MTUS1: variants seen among roughly 807,000 people sequenced by gnomAD.
MTUS1 encodes the protein microtubule-associated tumor suppressor 1.
In MTUS1, 109 loss-of-function variants were observed where a neutral mutation model predicts 120.8. That is an observed-to-expected ratio of 0.90 (90% CI 0.77 to 1.06). MTUS1 has a LOEUF of 1.06. MTUS1 is among the 50% of genes least tolerant of loss of function. The pLI, the probability that MTUS1 is intolerant of heterozygous loss-of-function variation, is 0.00. For synonymous variants in MTUS1, 737 were observed against 550.5 expected (o/e 1.34, Z -4.74); for missense variants, 2,210 against 1,486.3 (o/e 1.49, Z -8.01).
intron 6 of MTUS1, among the ~76,000 whole-genome samples, chr8:17,701,694 C>T (rs1052810653): frequency 3.2e-4 from 48 of 152,088 alleles, no homozygotes; most frequent in African/African-American, 1.1e-3. Flanking sequence ...ACTACAGGCG[C>T]CCGCCACCAC....
chr8:17,729,947 G>A (rs548688880), intron 3 of MTUS1, among the ~76,000 whole-genome samples: 6 of 147,778 alleles, frequency 4.1e-5, no homozygotes, highest in South Asian at 2.1e-4. Flanking sequence ...TCACAATCGC[G>A]CGAGATACCA....
chr8:17,756,428 T>C (rs191074143), intron 1 of MTUS1, among the ~76,000 whole-genome samples: 36 of 152,058 alleles, frequency 2.4e-4, no homozygotes, highest in African/African-American at 8.0e-4. Flanking sequence ...CCATGCAGAG[T>C]GATTATTAGA....
At chr8:17,774,408 G>C (rs929886141) in intron 1 of MTUS1, among the ~76,000 whole-genome samples, 2 of 152,174 alleles carry the variant, frequency 1.3e-5, no homozygotes, top group Non-Finnish European at 2.9e-5. Context: ...ATAAGGACTG[G>C]GGAAGAAAAT....
chr8:17,766,450 C>T (rs1295339466), intron 1 of MTUS1, among the ~76,000 whole-genome samples: 3 of 152,222 alleles, frequency 2.0e-5, no homozygotes, highest in African/African-American at 7.2e-5. Flanking sequence ...AGGCAAACCT[C>T]TCTCAGCACT....
At chr8:17,725,725 CGCTAACCCAATACA>C (rs2046188251) in intron 3 of MTUS1, among the ~76,000 whole-genome samples, 1 of 152,144 alleles carries the variant, frequency 6.6e-6, no homozygotes, top group Non-Finnish European at 1.5e-5. Flanking sequence ...CAGCTTTGAA[CGCTAACCCAATACA>C]AATTCATAAA....
intron 1 of MTUS1, among the ~76,000 whole-genome samples, chr8:17,759,002 C>T (rs1218867871): frequency 6.6e-6 from 1 of 152,148 alleles, no homozygotes; most frequent in Non-Finnish European, 1.5e-5. Context: ...CTGCCTCAGC[C>T]TCCCGAGTAG....
chr8:17,788,418 A>G (rs1246872212), intron 1 of MTUS1, among the ~76,000 whole-genome samples: 1 of 152,118 alleles, frequency 6.6e-6, no homozygotes, highest in Non-Finnish European at 1.5e-5. Context: ...AAACCCTTAA[A>G]TGTTGACGAT....
At chr8:17,692,150 C>T (rs1321767154) in intron 6 of MTUS1, 1 of 152,166 alleles carries the variant, frequency 6.6e-6, no homozygotes, top group Admixed American at 6.6e-5. Flanking sequence ...ACCTGTTCTG[C>T]CTTCTCTGTG....
At chr8:17,744,302 T>C (rs969152549) in intron 2 of MTUS1, among the ~76,000 whole-genome samples, 3 of 152,206 alleles carry the variant, frequency 2.0e-5, no homozygotes, top group African/African-American at 7.2e-5. Context: ...TGCCATCTAT[T>C]ACCTCTAAAG....
chr8:17,752,407 T>C (rs991958706), intron 2 of MTUS1, among the ~76,000 whole-genome samples: 3 of 152,212 alleles, frequency 2.0e-5, no homozygotes, highest in Non-Finnish European at 2.9e-5. Flanking sequence ...ATAAATGATA[T>C]CGGTTTTCTA....
intron 1 of MTUS1, among the ~76,000 whole-genome samples, chr8:17,774,971 T>TAA (rs76567642): frequency 0.47 from 45,089 of 96,624 alleles, 10,874 homozygotes; most frequent in Non-Finnish European, 0.58. Flanking sequence ...ATATTATAAG[T>TAA]AAAAAAAAAA....
At chr8:17,764,584 G>A (rs543613596) in intron 1 of MTUS1, among the ~76,000 whole-genome samples, 8 of 152,200 alleles carry the variant, frequency 5.3e-5, no homozygotes, top group South Asian at 2.1e-4. Context: ...TAGTCCAAGG[G>A]CTGGCAAGCC....
Position 17,751,934 on chromosome 8 carries a change from T to C in MTUS1, c.2091+1783A>G, listed in dbSNP as rs79711192. Among the ~76,000 whole-genome samples, 5 of 148,468 alleles carry C rather than the reference T, an allele frequency of 3.4e-5. No individual in the cohort carries two copies. The South Asian group carries it at 8.7e-4, about 26-fold the overall frequency. ...TCCCTTATGCCAGTTGATAAGCATATGCGAATATGGGACAATCTTTCAAGA... is the reference window on the plus strand; with the variant it reads ...TCCCTTATGCCAGTTGATAAGCATACGCGAATATGGGACAATCTTTCAAGA... On this transcript the variant is annotated intron_variant, in intron 2 of 14. Transcript: ENST00000693296.
chr8:17,679,196 A>G (rs569658838), intron 7 of MTUS1, among the ~76,000 whole-genome samples: 142 of 60,494 alleles, frequency 2.3e-3, no homozygotes, highest in African/African-American at 5.9e-3. Flanking sequence ...CAAAAAATAT[A>G]TATACACACA....
intron 1 of MTUS1, among the ~76,000 whole-genome samples, chr8:17,766,286 CAT>C (rs760033046): frequency 2.6e-5 from 4 of 152,186 alleles, no homozygotes; most frequent in Non-Finnish European, 4.4e-5. Flanking sequence ...CAGACCATCA[CAT>C]GTGAGTACAC....
intron 3 of MTUS1, chr8:17,724,127 A>G (rs1463971920): frequency 2.5e-5 from 13 of 519,436 alleles, no homozygotes; most frequent in East Asian, 9.3e-5. Context: ...GAGATGATCA[A>G]TCAGAATAAT....
At chr8:17,661,482 G>A (rs748182190) in intron 8 of MTUS1, among the ~76,000 whole-genome samples, 2 of 152,168 alleles carry the variant, frequency 1.3e-5, no homozygotes, top group East Asian at 1.9e-4. Flanking sequence ...CGAAGCTGAC[G>A]TTAATAGCAG....
At chr8:17,750,718 A>G (rs1401564408) in intron 2 of MTUS1, among the ~76,000 whole-genome samples, 1 of 152,190 alleles carries the variant, frequency 6.6e-6, no homozygotes, top group Non-Finnish European at 1.5e-5. Context: ...ATGGCATAAT[A>G]TAACTAAGGC....
At chr8:17,691,513 A>C (rs1356555398) in intron 6 of MTUS1, 1 of 152,246 alleles carries the variant, frequency 6.6e-6, no homozygotes, top group Non-Finnish European at 1.5e-5. Context: ...TCTATGTGGC[A>C]AGAGGCCAGC....
Sources: allele counts gnomAD v4.1 joint callset (sites outside exome capture counted in the v4.1 genomes callset), GRCh38; gene constraint gnomAD v4.1.1; transcripts MANE v1.5; gene names NCBI Gene and HGNC (gene_info 2026-07-23, HGNC 2026-07-21).